P4HTM: variants seen among roughly 807,000 people sequenced by gnomAD.
P4HTM encodes transmembrane prolyl 4-hydroxylase.
In P4HTM, 33 loss-of-function variants were observed where a neutral mutation model predicts 55.3. The ratio of observed to expected loss-of-function variants is 0.60; its 90% confidence interval spans 0.45 to 0.80. P4HTM has a LOEUF of 0.80. Ranked by LOEUF, P4HTM falls within the 30% of genes least tolerant of loss-of-function variation. The probability of loss-of-function intolerance (pLI) is 0.00; values close to 1 mark genes in which losing one functional copy is unlikely to be tolerated. For synonymous variants in P4HTM, 272 were observed against 286.4 expected (o/e 0.95, Z 0.51); for missense variants, 542 against 696.5 (o/e 0.78, Z 2.50).
At position 49,002,918 on chromosome 3, in the gene P4HTM, A is replaced by G. The variant is rs2092965902; in HGVS notation, c.724+322A>G. 7 of 420,256 alleles carry G rather than the reference A, an allele frequency of 1.7e-5. No individual in the cohort carries two copies. Among genetic ancestry groups the G allele is most frequent in the Non-Finnish European group, 3.2e-5 (7 of 222,120 alleles). 26.0% of individuals were successfully genotyped at this position (420,256 alleles called of 1,614,324 possible). On this transcript the variant is annotated intron_variant, in intron 4 of 8. Coordinates refer to ENST00000383729, the MANE Select transcript of P4HTM (RefSeq NM_177939.3). The surrounding 1 kb of genome is among the most constrained non-coding windows in gnomAD (Gnocchi z 4.4). Reference sequence around the variant, plus strand: ...CAGAGAACAGAGTGGGTGGAGCAGGAGCAAGGCGACAGTGAGGCCAGCTAG... The same window carrying G: ...CAGAGAACAGAGTGGGTGGAGCAGGGGCAAGGCGACAGTGAGGCCAGCTAG...
At position 49,006,802 on chromosome 3, in the gene P4HTM, G is replaced by T; in HGVS notation, c.1404G>T (p.Ala468=). The change falls in exon 9 of 9, where the codon GCG becomes GCT. Residue 468 remains alanine, a synonymous_variant. Transcript: ENST00000383729. Reference sequence around the variant, plus strand: ...TGGACCCCAGCCGAGCGCGGCAAGCGCTGTTCCAACAGGAGATGGCCCGCC... The same window carrying T: ...TGGACCCCAGCCGAGCGCGGCAAGCTCTGTTCCAACAGGAGATGGCCCGCC... ...INVDPSRARQ[A]LFQQEMARLA... The T allele has an allele frequency of 6.2e-7, 1 of 1,613,518 alleles. No individual in the cohort carries two copies. Among genetic ancestry groups the T allele is most frequent in the Non-Finnish European group, 8.5e-7 (1 of 1,180,042 alleles).
intron 2 of P4HTM, among the ~76,000 whole-genome samples, chr3:48,994,919 C>T (rs1435713455): frequency 6.6e-6 from 1 of 152,120 alleles, no homozygotes; most frequent in Non-Finnish European, 1.5e-5. Context: ...CCTGCCTCAA[C>T]CTTCCAAACA....
intron 2 of P4HTM, among the ~76,000 whole-genome samples, chr3:48,996,847 C>T (rs188998054): frequency 2.0e-5 from 3 of 152,260 alleles, no homozygotes; most frequent in Non-Finnish European, 2.9e-5. Context: ...TGTGCCTGCC[C>T]GGAGACTCAG....
In P4HTM at chr3:49,005,890, C is replaced by A. The variant is rs766382238; in HGVS notation, c.1164+23C>A. On this transcript the variant is annotated intron_variant, in intron 7 of 8. Coordinates refer to ENST00000383729, the MANE Select transcript of P4HTM (RefSeq NM_177939.3). The stretch of plus-strand genomic sequence containing the variant: ...ATGGTAAGGGTCAACTGGGCTATTA[C>A]TCTTGTGGGCTGGCAGGGGCTTAGA... 4 of 1,533,498 alleles carry A rather than the reference C, an allele frequency of 2.6e-6. No individual in the cohort carries two copies. In the East Asian group the frequency reaches 9.1e-5, roughly 35 times the overall value. 95.0% of individuals were successfully genotyped at this position (1,533,498 alleles called of 1,614,324 possible). A position where few individuals can be genotyped will look rare whatever the true frequency, so the allele number is the denominator to read the frequency against.
At chr3:49,005,362 A>G in intron 6 of P4HTM, 1 of 1,415,318 alleles carries the variant, frequency 7.1e-7, no homozygotes, top group Non-Finnish European at 9.2e-7. Context: ...CCAGGTGTTG[A>G]TCTTGATTCC....
intron 2 of P4HTM, chr3:49,001,074 T>G (rs1000603771): frequency 1.8e-5 from 6 of 332,132 alleles, no homozygotes; most frequent in Non-Finnish European, 1.2e-5. Context: ...CTTTAAATAT[T>G]TATACCCAGT....
In P4HTM at chr3:49,005,005, G is replaced by A; in HGVS notation, c.1032G>A (p.Lys344=). 11 of 1,614,120 alleles carry A rather than the reference G, an allele frequency of 6.8e-6. No individual in the cohort carries two copies. The highest frequency in any genetic ancestry group is 9.3e-6 in the Non-Finnish European group (11 of 1,180,030). The change falls in exon 6 of 9, where the codon AAG becomes AAA. Residue 344 remains lysine, a synonymous_variant. Coordinates refer to ENST00000383729, the MANE Select transcript of P4HTM (RefSeq NM_177939.3). ...VYPETICSHT[K]LVANESVPFE... ...CAGAGACCATCTGCTCCCATACCAAGCTGGTAGCCAACGAGTCTGTACCCT... is the reference window on the plus strand; with the variant it reads ...CAGAGACCATCTGCTCCCATACCAAACTGGTAGCCAACGAGTCTGTACCCT...
At chr3:49,000,194 CT>C (rs1559890338) in intron 2 of P4HTM, among the ~76,000 whole-genome samples, 1 of 152,100 alleles carries the variant, frequency 6.6e-6, no homozygotes, top group Non-Finnish European at 1.5e-5. Context: ...GTATGAAGTG[CT>C]TAGGACAGTG....
chr3:48,992,662 CTTTT>C (rs755087586), intron 2 of P4HTM, among the ~76,000 whole-genome samples: 3 of 89,318 alleles, frequency 3.4e-5, no homozygotes, highest in Admixed American at 1.3e-4. Context: ...GATTAGAACT[CTTTT>C]TTTTTTTTTT....
At chr3:49,004,611 C>A in intron 5 of P4HTM, 1 of 577,600 alleles carries the variant, frequency 1.7e-6, no homozygotes, top group Non-Finnish European at 3.1e-6. Context: ...GGACTCCCCG[C>A]CCCCTTTATT....
intron 2 of P4HTM, chr3:48,996,191 A>G (rs1233519907): frequency 6.6e-6 from 1 of 152,264 alleles, no homozygotes; most frequent in Admixed American, 6.5e-5. Context: ...ACATCAGACC[A>G]TAGTCCTCCT....
In P4HTM at chr3:49,004,995, C is replaced by G; in HGVS notation, c.1022C>G (p.Ser341Cys). The G allele has an allele frequency of 6.2e-7, 1 of 1,614,112 alleles. No individual in the cohort carries two copies. The highest frequency in any genetic ancestry group is 8.5e-7 in the Non-Finnish European group (1 of 1,180,038). The change falls in exon 6 of 9, where the codon TCC becomes TGC. Residue 341 changes from serine to cysteine, a missense_variant. By Grantham distance (112) the Ser-to-Cys change is moderately radical. Coordinates refer to ENST00000383729, the MANE Select transcript of P4HTM (RefSeq NM_177939.3). ...SGPVYPETICSHTKLVANESV... is the reference protein window; with the variant it reads ...SGPVYPETICCHTKLVANESV... ...CCTGTGTACCCAGAGACCATCTGCT[C>G]CCATACCAAGCTGGTAGCCAACGAG...
rs561547527 is a variant in P4HTM at position 49,005,904 on chromosome 3, C to CA, written c.1164+38dup. On this transcript the variant is annotated intron_variant, in intron 7 of 8. Coordinates refer to ENST00000383729, the MANE Select transcript of P4HTM (RefSeq NM_177939.3). Reference sequence around the variant, plus strand: ...CTGGGCTATTACTCTTGTGGGCTGGCAGGGGCTTAGACAAGTGAAGTACAC... The same window carrying CA: ...CTGGGCTATTACTCTTGTGGGCTGGCAAGGGGCTTAGACAAGTGAAGTACAC... 2.5e-4 allele frequency: 388 copies of CA among 1,530,674 alleles called. 3 individuals carry two copies. In the South Asian group the frequency reaches 4.8e-3, roughly 19 times the overall value. 94.8% of individuals were successfully genotyped at this position (1,530,674 alleles called of 1,614,324 possible). A position where few individuals can be genotyped will look rare whatever the true frequency, so the allele number is the denominator to read the frequency against.
At chr3:48,993,903 C>A (rs1389217092) in intron 2 of P4HTM, among the ~76,000 whole-genome samples, 1 of 147,216 alleles carries the variant, frequency 6.8e-6, no homozygotes, top group Non-Finnish European at 1.5e-5. Flanking sequence ...AAACCCAGAT[C>A]TAAAGTCACC....
chr3:49,005,927 C>T (rs939402577), intron 7 of P4HTM, 60 bp downstream of exon 7: 1 of 1,531,612 alleles, frequency 6.5e-7, no homozygotes. Flanking sequence ...AAGTGAAGTA[C>T]ACACCTCTCC....
intron 2 of P4HTM, among the ~76,000 whole-genome samples, chr3:48,995,316 A>C (rs1014028527): frequency 1.3e-5 from 2 of 151,900 alleles, no homozygotes; most frequent in Non-Finnish European, 2.9e-5. Context: ...GGCTCTTCCC[A>C]CAGAGCGTGC....
chr3:48,993,138 ACT>A (rs1475783459), intron 2 of P4HTM, among the ~76,000 whole-genome samples: 1 of 151,914 alleles, frequency 6.6e-6, no homozygotes, highest in Non-Finnish European at 1.5e-5. Flanking sequence ...AACCCCGTCT[ACT>A]AAAAATACAA....
rs781544963 is a variant in P4HTM, at chr3:49,002,599, G to A, written c.724+3G>A. 9 of 1,606,148 alleles carry A rather than the reference G, an allele frequency of 5.6e-6. No individual in the cohort carries two copies. In the East Asian group the frequency reaches 1.8e-4, roughly 32 times the overall value. ...CAAGGCTGACCCTGATGGTGACGGT[G>A]AGCTCACACCTCTGCACAGTCCTAT... On this transcript the variant is annotated splice_donor_region_variant and intron_variant, in intron 4 of 8. Coordinates refer to ENST00000383729, the MANE Select transcript of P4HTM (RefSeq NM_177939.3). This position sits in a 1 kb window ranked among gnomAD's most constrained non-coding sequence, Gnocchi z 4.4.
Position 49,002,609 on chromosome 3 carries a change from C to T in P4HTM, c.724+13C>T, listed in dbSNP as rs755941772. ...CCTGATGGTGACGGTGAGCTCACAC[C>T]TCTGCACAGTCCTATCCCCGTGAGC... On this transcript the variant is annotated intron_variant, in intron 4 of 8. Transcript: ENST00000383729. The surrounding 1 kb of genome is among the most constrained non-coding windows in gnomAD (Gnocchi z 4.4). 6.3e-7 allele frequency: 1 copy of T among 1,590,208 alleles called. No homozygotes were observed. Among genetic ancestry groups the T allele is most frequent in the South Asian group, 1.1e-5 (1 of 90,600 alleles).
Sources: allele counts gnomAD v4.1 joint callset (sites outside exome capture counted in the v4.1 genomes callset), GRCh38; gene constraint gnomAD v4.1.1; non-coding constraint Gnocchi (gnomAD v3.1); transcripts MANE v1.5; gene names NCBI Gene and HGNC (gene_info 2026-07-23, HGNC 2026-07-21).